Variants in ASTN2 observed in about 807,000 individuals in gnomAD.
The protein encoded by ASTN2 is astrotactin 2.
A neutral mutation model predicts 139.8 loss-of-function variants in ASTN2; 54 were observed. That is an observed-to-expected ratio of 0.39 (90% confidence interval 0.31 to 0.48). The LOEUF (loss-of-function observed/expected upper bound fraction) is 0.48, where lower values mean the gene tolerates loss of function less well. Among genes scored for constraint, ASTN2 ranks in the 20% least tolerant of loss-of-function variants. The pLI is 0.95. For missense variants in ASTN2, 1,565 were observed against 1,725.1 expected, an observed-to-expected ratio of 0.91 and a Z score of 1.64; for synonymous variants, 756 against 719.5, an observed-to-expected ratio of 1.05 and a Z score of -0.81.
chr9:117,127,981 G>A (rs1196322023), intron 4 of ASTN2, among the ~76,000 whole-genome samples: 2 of 151,908 alleles, frequency 1.3e-5, no homozygotes, highest in Non-Finnish European at 2.9e-5. Context: ...CTCCCGGCCG[G>A]GTTTTTTAAA....
chr9:116,933,284 T>C (rs1411402657), intron 10 of ASTN2, among the ~76,000 whole-genome samples: 1 of 152,152 alleles, frequency 6.6e-6, no homozygotes. Context: ...CTACTCTTCA[T>C]ACCTCCCAGT....
At chr9:116,955,809 A>AT (rs1327803800) in intron 10 of ASTN2, among the ~76,000 whole-genome samples, 4 of 152,062 alleles carry the variant, frequency 2.6e-5, no homozygotes, top group South Asian at 2.1e-4. Flanking sequence ...GTTGTCATTT[A>AT]TTTTTTTTCA....
intron 4 of ASTN2, among the ~76,000 whole-genome samples, chr9:117,104,937 G>A (rs567485464): frequency 4.6e-5 from 7 of 152,180 alleles, no homozygotes; most frequent in African/African-American, 1.7e-4. Flanking sequence ...ATTTATCCCT[G>A]AATTTTGGCT....
chr9:116,938,876 T>C (rs1018735918), intron 10 of ASTN2, among the ~76,000 whole-genome samples: 3 of 152,240 alleles, frequency 2.0e-5, no homozygotes, highest in African/African-American at 7.2e-5. Flanking sequence ...TCCTTGTTTC[T>C]CTAGGTCTTA....
intron 11 of ASTN2, among the ~76,000 whole-genome samples, chr9:116,854,064 G>A (rs901301050): frequency 1.9e-4 from 29 of 152,160 alleles, no homozygotes; most frequent in East Asian, 5.8e-4. Flanking sequence ...AATTTGGCCC[G>A]AATTCCCTGC....
At chr9:117,165,406 G>C (rs566896232) in intron 3 of ASTN2, among the ~76,000 whole-genome samples, 11 of 152,178 alleles carry the variant, frequency 7.2e-5, no homozygotes, top group African/African-American at 2.6e-4. Flanking sequence ...CTTAGATTCT[G>C]AGTTCAAGGG....
intron 13 of ASTN2, among the ~76,000 whole-genome samples, chr9:116,745,414 G>A (rs1259198855): frequency 3.3e-5 from 5 of 152,128 alleles, no homozygotes; most frequent in Non-Finnish European, 7.3e-5. Context: ...GACAGACCTC[G>A]TGGTGTCGTC....
At chr9:116,902,513 C>T (rs1009267452) in intron 10 of ASTN2, among the ~76,000 whole-genome samples, 3 of 151,876 alleles carry the variant, frequency 2.0e-5, no homozygotes, top group Non-Finnish European at 2.9e-5. Flanking sequence ...GTTACAATTG[C>T]CTACAGTATT....
intron 19 of ASTN2, among the ~76,000 whole-genome samples, chr9:116,588,030 T>C (rs1189268577): frequency 2.6e-5 from 4 of 152,102 alleles, no homozygotes; most frequent in African/African-American, 4.8e-5. Flanking sequence ...TGAGGGGAAA[T>C]TGGCCAGACT....
At chr9:117,226,674 G>T (rs548106999) in intron 2 of ASTN2, among the ~76,000 whole-genome samples, 1 of 152,180 alleles carries the variant, frequency 6.6e-6, no homozygotes, top group African/African-American at 2.4e-5. Context: ...TTCATTAACA[G>T]ATGACAAAAG....
intron 2 of ASTN2, among the ~76,000 whole-genome samples, chr9:117,279,011 T>A (rs570985514): frequency 6.6e-6 from 1 of 152,376 alleles, no homozygotes; most frequent in South Asian, 2.1e-4. Flanking sequence ...TTATTTTCAC[T>A]CTATTAAAGG....
chr9:116,445,586 C>G (rs1042600740), intron 20 of ASTN2, among the ~76,000 whole-genome samples: 1 of 152,144 alleles, frequency 6.6e-6, no homozygotes, highest in Admixed American at 6.5e-5. Context: ...AATAAGAGAG[C>G]CCCCAGGATG....
intron 20 of ASTN2, among the ~76,000 whole-genome samples, chr9:116,467,917 C>A (rs74849833): frequency 6.6e-6 from 1 of 152,246 alleles, no homozygotes; most frequent in South Asian, 2.1e-4. Flanking sequence ...GCAGCTCAGC[C>A]TAGTGATGAG....
chr9:116,437,552 A>G (rs1429884949), intron 22 of ASTN2: 2 of 471,062 alleles, frequency 4.2e-6, no homozygotes, highest in African/African-American at 4.0e-5. Context: ...GCCTTTCCAG[A>G]AGATTTATGT....
intron 19 of ASTN2, among the ~76,000 whole-genome samples, chr9:116,521,506 C>T (rs1850871519): frequency 6.6e-6 from 1 of 152,150 alleles, no homozygotes; most frequent in Admixed American, 6.6e-5. Flanking sequence ...CAAGATGGAT[C>T]CGGGACTTAA....
intron 5 of ASTN2, among the ~76,000 whole-genome samples, chr9:117,085,757 A>T (rs1468433303): frequency 2.0e-5 from 3 of 152,242 alleles, no homozygotes; most frequent in East Asian, 3.9e-4. Flanking sequence ...CAGGGATATG[A>T]TCAGGTTTGC....
intron 10 of ASTN2, among the ~76,000 whole-genome samples, chr9:116,890,516 A>C (rs2132387377): frequency 6.6e-6 from 1 of 152,328 alleles, no homozygotes; most frequent in East Asian, 1.9e-4. Context: ...TTTGCCCCCT[A>C]ACCACGTTTA....
At chr9:116,861,917 A>G (rs556460849) in intron 11 of ASTN2, among the ~76,000 whole-genome samples, 1 of 150,986 alleles carries the variant, frequency 6.6e-6, no homozygotes, top group Non-Finnish European at 1.5e-5. Flanking sequence ...ACATTGCTTG[A>G]GTCCTTCAAT....
chr9:117,193,613 C>T (rs1831406198), intron 3 of ASTN2, among the ~76,000 whole-genome samples: 1 of 123,726 alleles, frequency 8.1e-6, no homozygotes, highest in African/African-American at 3.2e-5. Context: ...ACACTCCAGC[C>T]TGGTGACACA....
Sources: allele counts gnomAD v4.1 joint callset (sites outside exome capture counted in the v4.1 genomes callset), GRCh38; gene constraint gnomAD v4.1.1; transcripts MANE v1.5; gene names NCBI Gene and HGNC (gene_info 2026-07-23, HGNC 2026-07-21).